The following USP34 variants were observed in gnomAD, a reference collection of about 807,000 sequenced individuals.
The protein encoded by USP34 is ubiquitin carboxyl-terminal hydrolase 34.
In USP34, 70 loss-of-function variants were observed where a neutral mutation model predicts 460.3. The ratio of observed to expected loss-of-function variants is 0.15; its 90% CI spans 0.13 to 0.19. The LOEUF (loss-of-function observed/expected upper bound fraction) is 0.19. Among genes scored for constraint, USP34 ranks in the 10% least tolerant of loss-of-function variants. USP34 has a pLI of 1.00. For synonymous variants in USP34, 1,647 were observed against 1,405.3 expected (o/e 1.17, Z -3.85); for missense variants, 3,985 against 4,236.2 (o/e 0.94, Z 1.65).
intron 1 of USP34, among the ~76,000 whole-genome samples, chr2:61,425,304 A>G (rs1176938142): frequency 6.6e-6 from 1 of 152,202 alleles, no homozygotes; most frequent in Non-Finnish European, 1.5e-5. Context: ...AAAAAACAAA[A>G]ATCAGGTGAG....
chr2:61,436,454 G>C (rs930507941), intron 1 of USP34, among the ~76,000 whole-genome samples: 1 of 152,262 alleles, frequency 6.6e-6, no homozygotes, highest in Middle Eastern at 3.4e-3. Context: ...AGTTGTAAAA[G>C]GAGACAAAGA....
intron 10 of USP34, among the ~76,000 whole-genome samples, chr2:61,366,039 C>T (rs1692429371): frequency 6.6e-6 from 1 of 152,154 alleles, no homozygotes; most frequent in South Asian, 2.1e-4. Flanking sequence ...ACAACCTCTG[C>T]CTCAGCCTCC....
At chr2:61,381,393 C>CAATT (rs1245074431) in intron 6 of USP34, among the ~76,000 whole-genome samples, 1 of 152,044 alleles carries the variant, frequency 6.6e-6, no homozygotes. Context: ...CGCTGGAGTG[C>CAATT]AATTGCTCAA....
chr2:61,304,301 C>T (rs1690334145), intron 27 of USP34, among the ~76,000 whole-genome samples: 1 of 152,168 alleles, frequency 6.6e-6, no homozygotes, highest in Non-Finnish European at 1.5e-5. Context: ...AATTGCTACT[C>T]TAATAAAGCA....
intron 33 of USP34, among the ~76,000 whole-genome samples, chr2:61,291,493 T>G (rs964647843): frequency 6.6e-6 from 1 of 152,164 alleles, no homozygotes; most frequent in Admixed American, 6.5e-5. Flanking sequence ...CTGGAAACGA[T>G]GCAGATGTTC....
At chr2:61,462,531 A>G (rs1695633202) in intron 1 of USP34, among the ~76,000 whole-genome samples, 1 of 150,796 alleles carries the variant, frequency 6.6e-6, no homozygotes, top group African/African-American at 2.4e-5. Context: ...CCTGGGCCAC[A>G]GAGTAAGACT....
Position 61,248,378 on chromosome 2 carries a change from A to G in USP34, c.6394+133T>C, listed in dbSNP as rs1238106006. On this transcript the variant is annotated intron_variant, in intron 49 of 79. Transcript: ENST00000398571. ...CTGGTTAACTGACTGAATGCATGACATTGTCTTAACCTTCTCCCTTCTAAG... is the reference window on the plus strand; with the variant it reads ...CTGGTTAACTGACTGAATGCATGACGTTGTCTTAACCTTCTCCCTTCTAAG... The G allele has an allele frequency of 1.6e-5, 13 of 837,482 alleles. No homozygotes were observed. The East Asian group carries it at 3.0e-4, about 19-fold the overall frequency. The allele number at this position is 837,482 out of a possible 1,614,324, so 51.9% of individuals were successfully genotyped here.
intron 14 of USP34, 91 bp downstream of exon 14, chr2:61,348,665 A>G: frequency 3.4e-6 from 5 of 1,483,394 alleles, no homozygotes; most frequent in Non-Finnish European, 4.5e-6. Flanking sequence ...GACAAGCCCA[A>G]ACATGAATTA....
At chr2:61,399,561 G>C (rs1693647110) in intron 3 of USP34, among the ~76,000 whole-genome samples, 1 of 151,652 alleles carries the variant, frequency 6.6e-6, no homozygotes, top group South Asian at 2.1e-4. Context: ...AACAACACTA[G>C]GAAGTCTCAT....
At chr2:61,362,877 T>C (rs2103816739) in intron 10 of USP34, among the ~76,000 whole-genome samples, 1 of 152,356 alleles carries the variant, frequency 6.6e-6, no homozygotes, top group African/African-American at 2.4e-5. Context: ...ATTTTTATAT[T>C]TGTATAGTAT....
chr2:61,388,541 G>A (rs1693239760), intron 5 of USP34, among the ~76,000 whole-genome samples: 1 of 151,608 alleles, frequency 6.6e-6, no homozygotes, highest in Non-Finnish European at 1.5e-5. Context: ...CGGATCATGA[G>A]GTCAGGAGAT....
intron 1 of USP34, among the ~76,000 whole-genome samples, chr2:61,465,248 G>C (rs1206126044): frequency 6.6e-6 from 1 of 152,116 alleles, no homozygotes; most frequent in East Asian, 1.9e-4. Flanking sequence ...CTGGTTCCAG[G>C]AACAAACTTC....
At position 61,280,979 on chromosome 2, in the gene USP34, A is replaced by G. The variant is rs556214819; in HGVS notation, c.5151+111T>C. ...ATAACTACTATCCTCTTGGTAAAAA[A>G]TCACATACAGTAGTCAAATGATCAA... On this transcript the variant is annotated intron_variant, in intron 38 of 79. Transcript: ENST00000398571. 2.1e-5 allele frequency: 25 copies of G among 1,189,618 alleles called. No homozygotes were observed. The East Asian group carries it at 5.6e-4, about 27-fold the overall frequency. The allele number at this position is 1,189,618 out of a possible 1,614,324, so 73.7% of individuals were successfully genotyped here.
intron 48 of USP34, 146 bp from the exon 49 acceptor site, chr2:61,248,829 A>G: frequency 1.5e-6 from 1 of 674,710 alleles, no homozygotes; most frequent in Admixed American, 3.3e-5. Flanking sequence ...ATACCTTCTG[A>G]GAACACCCCG....
At chr2:61,245,092 A>T (rs1688384265) in intron 51 of USP34, 118 bp downstream of exon 51, 4 of 642,042 alleles carry the variant, frequency 6.2e-6, no homozygotes, top group Non-Finnish European at 1.0e-5. Flanking sequence ...AACTGAATAA[A>T]TTTTTGATTT....
At chr2:61,300,077 C>T (rs1181035497) in intron 29 of USP34, among the ~76,000 whole-genome samples, 5 of 152,170 alleles carry the variant, frequency 3.3e-5, no homozygotes, top group Non-Finnish European at 7.4e-5. Flanking sequence ...TTCAGGGCAA[C>T]TTGTTCCTGG....
At position 61,335,016 on chromosome 2, in the gene USP34, C is replaced by A. The variant is rs1691374773; in HGVS notation, c.2745-1045G>T. ...CATTTTAAGTGCTATAATGACCAGA[C>A]AGAGTCAAAGTCATCCCAAAGCACT... On this transcript the variant is annotated intron_variant, in intron 18 of 79. Transcript: ENST00000398571. Among the ~76,000 whole-genome samples the A allele has an allele frequency of 2.1e-5, 3 of 142,608 alleles. No homozygotes were observed. In the South Asian group the frequency reaches 6.2e-4, roughly 30 times the overall value. The allele number at this position is 142,608 out of a possible 152,430, so 93.6% of individuals were successfully genotyped here.
At chr2:61,236,276 A>C in intron 54 of USP34, 40 bp from the exon 55 acceptor site, 1 of 1,594,294 alleles carries the variant, frequency 6.3e-7, no homozygotes, top group Non-Finnish European at 8.5e-7. Flanking sequence ...CACACGTAAG[A>C]TTTTTTTAAA....
rs779402956 is a variant in USP34 at position 61,319,228 on chromosome 2, C to T, written c.3113G>A (p.Ser1038Asn). Residue 1038 changes from serine (S) to asparagine (N), a missense_variant, in exon 22 of 80, where the codon AGT becomes AAT. Around this residue, in one of 14 missense-constraint regions of USP34, gnomAD observed 1,114 missense variants for 1,122.5 expected, o/e 0.99. Coordinates refer to ENST00000398571, the MANE Select transcript of USP34 (RefSeq NM_014709.4). The stretch of plus-strand genomic sequence containing the variant: ...CATACCCATAGCATGTTGATCTTTA[C>T]TTCGAACTTGATTTAAAAACCAATG... ...ALHWFLNQVR[S>N]KDQHAMGMET... The T allele has an allele frequency of 9.4e-6, 15 of 1,592,934 alleles. No homozygotes were observed. Among genetic ancestry groups the T allele is most frequent in the Non-Finnish European group, 1.0e-5 (12 of 1,173,778 alleles).
Sources: allele counts gnomAD v4.1 joint callset (sites outside exome capture counted in the v4.1 genomes callset), GRCh38; gene constraint gnomAD v4.1.1; regional missense constraint gnomAD v4.1.1; transcripts MANE v1.5; gene names NCBI Gene and HGNC (gene_info 2026-07-23, HGNC 2026-07-21).